The following ADGRB3 variants were observed in gnomAD, a reference collection of about 807,000 sequenced individuals.
ADGRB3 encodes adhesion G protein-coupled receptor B3.
In ADGRB3, 37 loss-of-function variants were observed where a neutral mutation model predicts 193.4. That is an observed-to-expected ratio of 0.19 (90% CI 0.15 to 0.25). The LOEUF is 0.25. Ranked by LOEUF, ADGRB3 falls within the 10% of genes least tolerant of loss-of-function variation. ADGRB3 has a pLI of 1.00. For missense variants in ADGRB3, 1,637 were observed against 1,852.9 expected, an observed-to-expected ratio of 0.88 and a Z score of 2.14; for synonymous variants, 690 against 644.2, an observed-to-expected ratio of 1.07 and a Z score of -1.08.
chr6:68,676,137 A>G lies in ADGRB3; in HGVS notation c.757+36705A>G, dbSNP rs145737833. Reference sequence around the variant, plus strand: ...GCCTGGCGTGGTGGCTCACGCTTGTAATCCCAGCACTTTGGGAGGCTGAGA... The same window carrying G: ...GCCTGGCGTGGTGGCTCACGCTTGTGATCCCAGCACTTTGGGAGGCTGAGA... On this transcript the variant is annotated intron_variant, in intron 3 of 31. Coordinates refer to ENST00000370598, the MANE Select transcript of ADGRB3 (RefSeq NM_001704.3). 3.3e-3 allele frequency among the ~76,000 whole-genome samples: 499 copies of G among 152,218 alleles called. 2 individuals are homozygous for G. The highest frequency in any genetic ancestry group is 0.014 in the Middle Eastern group (4 of 294).
At chr6:68,822,108 T>C (rs1182117664) in intron 3 of ADGRB3, among the ~76,000 whole-genome samples, 1 of 151,900 alleles carries the variant, frequency 6.6e-6, no homozygotes, top group Non-Finnish European at 1.5e-5. Flanking sequence ...ACTGTTGCTC[T>C]ACTGTTCCTC....
At chr6:68,781,768 C>T (rs1445113430) in intron 3 of ADGRB3, among the ~76,000 whole-genome samples, 1 of 151,958 alleles carries the variant, frequency 6.6e-6, no homozygotes, top group Non-Finnish European at 1.5e-5. Flanking sequence ...AAGTGGGGCT[C>T]CTGGATCCCA....
chr6:68,955,900 C>A, intron 6 of ADGRB3, 124 bp from the exon 7 acceptor site: 1 of 840,150 alleles, frequency 1.2e-6, no homozygotes, highest in Non-Finnish European at 1.8e-6. Flanking sequence ...TGTGACCTTC[C>A]ATTGTATTCA....
chr6:68,931,505 T>C (rs1449576601), intron 4 of ADGRB3, among the ~76,000 whole-genome samples: 1 of 152,136 alleles, frequency 6.6e-6, no homozygotes, highest in African/African-American at 2.4e-5. Context: ...CACCTTTATT[T>C]TGGGAAATTG....
At chr6:69,368,215 C>T (rs575246230) in intron 29 of ADGRB3, among the ~76,000 whole-genome samples, 1 of 152,164 alleles carries the variant, frequency 6.6e-6, no homozygotes, top group South Asian at 2.1e-4. Context: ...TCATCCATAA[C>T]TTTGGTTGTT....
At chr6:69,175,197 G>A (rs1209409471) in intron 17 of ADGRB3, among the ~76,000 whole-genome samples, 1 of 152,062 alleles carries the variant, frequency 6.6e-6, no homozygotes, top group Non-Finnish European at 1.5e-5. Flanking sequence ...CAAGTTTGAT[G>A]TCCAGAATTA....
intron 3 of ADGRB3, among the ~76,000 whole-genome samples, chr6:68,688,193 G>T (rs1475964607): frequency 6.6e-6 from 1 of 152,082 alleles, no homozygotes; most frequent in East Asian, 1.9e-4. Flanking sequence ...CCATCATTCT[G>T]CAGATAATAA....
rs983210114 is a variant in ADGRB3, at chr6:68,968,403, A to C, written c.1526-6360A>C. 1.3e-5 allele frequency among the ~76,000 whole-genome samples: 2 copies of C among 152,216 alleles called. 1 individual carries two copies. The highest frequency in any genetic ancestry group is 4.8e-5 in the African/African-American group (2 of 41,438). ...GGGAAATGAAGAAGTTCATGATACA[A>C]ATTGAATCTTCGTTTTCTTATGTCA... is the stretch of plus-strand genomic sequence containing the variant. On this transcript the variant is annotated intron_variant, in intron 8 of 31. Coordinates refer to ENST00000370598, the MANE Select transcript of ADGRB3 (RefSeq NM_001704.3).
At chr6:68,822,620 T>C (rs533085696) in intron 3 of ADGRB3, among the ~76,000 whole-genome samples, 9 of 152,094 alleles carry the variant, frequency 5.9e-5, no homozygotes, top group African/African-American at 2.2e-4. Flanking sequence ...ACCTGATATC[T>C]ATTTGAATCA....
At chr6:69,041,094 A>G (rs971108656) in intron 13 of ADGRB3, among the ~76,000 whole-genome samples, 1 of 152,142 alleles carries the variant, frequency 6.6e-6, no homozygotes. Context: ...ATGCCCTCCT[A>G]AGCTGCTTTG....
intron 17 of ADGRB3, among the ~76,000 whole-genome samples, chr6:69,138,724 G>A (rs1390407717): frequency 3.3e-5 from 5 of 151,966 alleles, no homozygotes; most frequent in Admixed American, 6.6e-5. Context: ...AAAATGCTAG[G>A]TTAATGAATT....
intron 16 of ADGRB3, among the ~76,000 whole-genome samples, chr6:69,074,420 C>T (rs147285468): frequency 6.6e-6 from 1 of 152,230 alleles, no homozygotes; most frequent in African/African-American, 2.4e-5. Flanking sequence ...CAGATACACT[C>T]CAGTGATTGT....
intron 23 of ADGRB3, chr6:69,332,159 C>G (rs868128650): frequency 1.2e-5 from 12 of 985,232 alleles, no homozygotes; most frequent in African/African-American, 5.2e-5. Flanking sequence ...CGGGGCTCAT[C>G]ATAAGCTGGT....
chr6:69,031,106 C>G (rs1168074038), intron 13 of ADGRB3, among the ~76,000 whole-genome samples: 3 of 72,452 alleles, frequency 4.1e-5, no homozygotes, highest in African/African-American at 1.5e-4. Flanking sequence ...CTTCTCTTCT[C>G]TTCTCTTCTC....
intron 17 of ADGRB3, among the ~76,000 whole-genome samples, chr6:69,119,109 C>T (rs1773614932): frequency 6.6e-6 from 1 of 152,190 alleles, no homozygotes; most frequent in Non-Finnish European, 1.5e-5. Context: ...CAGTTTTTCA[C>T]TGTCATGGAA....
chr6:69,318,015 G>A (rs1479605132), intron 20 of ADGRB3, among the ~76,000 whole-genome samples: 2 of 151,264 alleles, frequency 1.3e-5, no homozygotes, highest in East Asian at 1.9e-4. Flanking sequence ...GATTATTTTT[G>A]GATTTTCTAA....
At chr6:68,928,388 A>C (rs567415916) in intron 3 of ADGRB3, among the ~76,000 whole-genome samples, 2 of 152,110 alleles carry the variant, frequency 1.3e-5, no homozygotes, top group South Asian at 4.1e-4. Flanking sequence ...AAAATTAGCT[A>C]GGCATGGTGG....
chr6:68,792,123 C>T (rs899268012), intron 3 of ADGRB3, among the ~76,000 whole-genome samples: 2 of 152,132 alleles, frequency 1.3e-5, no homozygotes, highest in African/African-American at 4.8e-5. Flanking sequence ...ATACAGTGCT[C>T]CTACACCAGG....
At chr6:68,897,174 C>A (rs1439733975) in intron 3 of ADGRB3, among the ~76,000 whole-genome samples, 1 of 151,788 alleles carries the variant, frequency 6.6e-6, no homozygotes, top group Non-Finnish European at 1.5e-5. Flanking sequence ...TGAAACAACA[C>A]TTCAGGTTTT....
Sources: gnomAD v4.1 joint callset for allele counts (sites outside exome capture counted in the v4.1 genomes callset) on GRCh38, gnomAD v4.1.1 for gene constraint, MANE v1.5 for transcripts, NCBI Gene and HGNC (gene_info 2026-07-23, HGNC 2026-07-21) for gene names.